Variants in USF1 observed in about 807,000 individuals in gnomAD.
USF1 encodes the protein upstream stimulatory factor 1.
In USF1, 22 loss-of-function variants were observed where a neutral mutation model predicts 46.3. That is an observed-to-expected ratio of 0.47 (90% confidence interval 0.34 to 0.68). The LOEUF (loss-of-function observed/expected upper bound fraction) is 0.68. Ranked by LOEUF, USF1 falls within the 30% of genes least tolerant of loss-of-function variation. USF1 has a pLI of 0.01. For missense variants in USF1, 287 were observed against 399.3 expected (o/e 0.72, Z 2.40); for synonymous variants, 150 against 147.0 (o/e 1.02, Z -0.15).
rs1468697403 is a variant in USF1, at chr1:161,045,915, T to G, written c.-143A>C. On this transcript the variant is annotated 5_prime_UTR_variant, in exon 1 of 11. Transcript: ENST00000368021. ...CAACTGTGTTCTCCCTCTCCCGGCC[T>G]AGGTATCTCCATAGACAGCTGCTCA... The G allele has an allele frequency of 6.6e-6, 1 of 152,336 alleles. No homozygotes were observed. Among genetic ancestry groups the G allele is most frequent in the Non-Finnish European group, 1.5e-5 (1 of 68,134 alleles). The allele number at this position is 152,336 out of a possible 1,614,324, so 9.4% of individuals were successfully genotyped here. A position where few individuals can be genotyped will look rare whatever the true frequency, so the allele number is the denominator to read the frequency against.
rs148867148 is a variant in USF1, at chr1:161,041,486, C to T, written c.473-75G>A. On this transcript the variant is annotated intron_variant, in intron 6 of 10. Transcript: ENST00000368021. ...CAAGCCCTGAGGTGAAGACCCTGGT[C>T]CCCTCCTCTAAAAAGAACATGCTAA... 1.5e-4 allele frequency: 224 copies of T among 1,527,662 alleles called. 1 individual carries two copies. The East Asian group carries it at 4.9e-3, about 33-fold the overall frequency. 94.6% of individuals were successfully genotyped at this position (1,527,662 alleles called of 1,614,324 possible).
Position 161,039,419 on chromosome 1 carries a change from C to T in USF1, c.*501G>A, listed in dbSNP as rs886483387. The T allele has an allele frequency of 6.1e-6, 1 of 163,586 alleles. No homozygotes were observed. Among genetic ancestry groups the T allele is most frequent in the African/African-American group, 2.4e-5 (1 of 41,722 alleles). The allele number at this position is 163,586 out of a possible 1,614,324, so 10.1% of individuals were successfully genotyped here. ...GCCTCAGCTTCTCACTGGCCAATCT[C>T]CTCTTCATGGGCACCAGCCACTGCT... On this transcript the variant is annotated 3_prime_UTR_variant, in exon 11 of 11. Coordinates refer to ENST00000368021, the MANE Select transcript of USF1 (RefSeq NM_007122.5).
chr1:161,041,348 G>A lies in USF1; in HGVS notation c.536C>T (p.Ala179Val). The A allele has an allele frequency of 6.2e-7, 1 of 1,613,492 alleles. No homozygotes were observed. Among genetic ancestry groups the A allele is most frequent in the Non-Finnish European group, 8.5e-7 (1 of 1,179,886 alleles). ...VLQGGSQRSIAPRTHPYSPKS... is the reference protein window; with the variant it reads ...VLQGGSQRSIVPRTHPYSPKS... ...CGGGGAATAAGGGTGAGTCCTAGGG[G>A]CAATTGAGCGCTGGCTTCCTCCCTG... is the stretch of plus-strand genomic sequence containing the variant. Residue 179 changes from alanine (A) to valine (V), a missense_variant, in exon 7 of 11, where the codon GCC (alanine) becomes GTC (valine). By Grantham distance (64) the Ala-to-Val change is moderately conservative. Transcript: ENST00000368021.
rs1462211075 is a variant in USF1 at position 161,039,980 on chromosome 1, C to T, written c.873G>A (p.Leu291=). The T allele has an allele frequency of 1.2e-6, 2 of 1,614,182 alleles. No homozygotes were observed. The highest frequency in any genetic ancestry group is 1.7e-6 in the Non-Finnish European group (2 of 1,180,038). Residue 291 remains leucine (L), a synonymous_variant, in exon 11 of 11, where the codon CTG becomes CTA. Transcript: ENST00000368021. Reference sequence around the variant, plus strand: ...CGTGGTGCCGCAACTGAGCTCGAAGCAGCAGATTCTTGTTTTTAAGATCTT... The same window carrying T: ...CGTGGTGCCGCAACTGAGCTCGAAGTAGCAGATTCTTGTTTTTAAGATCTT... ...QVEDLKNKNL[L]LRAQLRHHGL... is the part of the protein sequence containing the mutation.
chr1:161,039,856 GGATTA>G lies in USF1; in HGVS notation c.*59_*63del, dbSNP rs1032723733. 3.1e-5 allele frequency: 48 copies of G among 1,558,572 alleles called. No homozygotes were observed. The highest frequency in any genetic ancestry group is 4.1e-5 in the Non-Finnish European group (46 of 1,132,124). On this transcript the variant is annotated 3_prime_UTR_variant, in exon 11 of 11. Coordinates refer to ENST00000368021, the MANE Select transcript of USF1 (RefSeq NM_007122.5). ...TGGGGCAGTGAAGGAAAGGGGCACG[GGATTA>G]GGCTGTTGCTCCTGGGCTATCTGCA...
Position 161,040,338 on chromosome 1 carries a change from A to T in USF1, c.715-8T>A, listed in dbSNP as rs756890446. On this transcript the variant is annotated splice_region_variant and splice_polypyrimidine_tract_variant and intron_variant, in intron 9 of 10. Coordinates refer to ENST00000368021, the MANE Select transcript of USF1 (RefSeq NM_007122.5). This position sits in a 1 kb window ranked among gnomAD's most constrained non-coding sequence, Gnocchi z 4.0. ...TAGAATCCCACCTTTACTCTGCAAG[A>T]TAAGGTCAACAAAATGAGAACTAGG... 1 of 1,613,576 alleles carries T rather than the reference A, an allele frequency of 6.2e-7. No homozygotes were observed. Among genetic ancestry groups the T allele is most frequent in the African/African-American group, 1.3e-5 (1 of 74,902 alleles).
At chr1:161,043,401 G>T in intron 1 of USF1, 41 bp from the exon 2 acceptor site, 1 of 1,471,368 alleles carries the variant, frequency 6.8e-7, no homozygotes, top group South Asian at 1.2e-5. Context: ...TTAGGAAACA[G>T]AACAGTATCT....
In USF1 at chr1:161,043,298, G is replaced by A. The variant is rs767449155; in HGVS notation, c.-23C>T. 44 of 1,614,050 alleles carry A rather than the reference G, an allele frequency of 2.7e-5. No individual in the cohort carries two copies. The highest frequency in any genetic ancestry group is 8.9e-5 in the East Asian group (4 of 44,900). On this transcript the variant is annotated 5_prime_UTR_variant, in exon 2 of 11. Coordinates refer to ENST00000368021, the MANE Select transcript of USF1 (RefSeq NM_007122.5). ...CATCTCTCTGTGAGGGGGCACATCCGAGGAACTGGTCCTTTTTTGGAGGTC... is the reference window on the plus strand; with the variant it reads ...CATCTCTCTGTGAGGGGGCACATCCAAGGAACTGGTCCTTTTTTGGAGGTC...
At position 161,043,349 on chromosome 1, in the gene USF1, G is replaced by A. The variant is rs1650653563; in HGVS notation, c.-74C>T. The A allele has an allele frequency of 3.7e-6, 6 of 1,610,258 alleles. No homozygotes were observed. The South Asian group carries it at 6.6e-5, about 18-fold the overall frequency. ...TTTGTATCTCCTGATTCACAGGCCT[G>A]AGTGCTAAGTCCTGGTAGAAATCAT... On this transcript the variant is annotated 5_prime_UTR_variant, in exon 2 of 11. The change creates a premature stop within an existing upstream ORF in the 5' untranslated region. Transcript: ENST00000368021.
In USF1 at chr1:161,040,074, G is replaced by A. The variant is rs1650463195; in HGVS notation, c.844-65C>T. 16 of 1,611,540 alleles carry A rather than the reference G, an allele frequency of 9.9e-6. No individual in the cohort carries two copies. The highest frequency in any genetic ancestry group is 1.7e-5 in the Admixed American group (1 of 59,976). ...AGCTGGCACTTCCAAGCCCCTGAAT[G>A]TATTCAGACATCCACTGGTGAGGGG... is the stretch of plus-strand genomic sequence containing the variant. On this transcript the variant is annotated intron_variant, in intron 10 of 10. Coordinates refer to ENST00000368021, the MANE Select transcript of USF1 (RefSeq NM_007122.5). This position sits in a 1 kb window ranked among gnomAD's most constrained non-coding sequence, Gnocchi z 4.0.
chr1:161,042,499 C>T (rs1650609101), intron 4 of USF1, 56 bp downstream of exon 4: 5 of 1,586,086 alleles, frequency 3.2e-6, no homozygotes, highest in Non-Finnish European at 4.3e-6. Flanking sequence ...TGTTCAATTA[C>T]CTCCCTCAAT....
chr1:161,044,246 A>G (rs1650703964), intron 1 of USF1, among the ~76,000 whole-genome samples: 1 of 152,154 alleles, frequency 6.6e-6, no homozygotes, highest in Non-Finnish European at 1.5e-5. Flanking sequence ...CCCAGCCAAC[A>G]ACACATCTCT....
chr1:161,039,858 A>T lies in USF1; in HGVS notation c.*62T>A. 1 of 1,564,736 alleles carries T rather than the reference A, an allele frequency of 6.4e-7. No homozygotes were observed. Among genetic ancestry groups the T allele is most frequent in the Non-Finnish European group, 8.8e-7 (1 of 1,137,498 alleles). ...GGGCAGTGAAGGAAAGGGGCACGGG[A>T]TTAGGCTGTTGCTCCTGGGCTATCT... On this transcript the variant is annotated 3_prime_UTR_variant, in exon 11 of 11. Coordinates refer to ENST00000368021, the MANE Select transcript of USF1 (RefSeq NM_007122.5).
At chr1:161,041,492 C>T in intron 6 of USF1, 81 bp from the exon 7 acceptor site, 9 of 1,517,164 alleles carry the variant, frequency 5.9e-6, no homozygotes, top group Non-Finnish European at 7.2e-6. Context: ...TGGTCCCCTC[C>T]TCTAAAAAGA....
At chr1:161,044,968 G>A (rs1180002222) in intron 1 of USF1, 1 of 152,366 alleles carries the variant, frequency 6.6e-6, no homozygotes, top group African/African-American at 2.4e-5. Flanking sequence ...CGCGTCCGAG[G>A]AAAATGTTGA....
rs530469528 is a variant in USF1, at chr1:161,041,817, A to G, written c.306T>C (p.Asp102=). 20 of 1,613,566 alleles carry G rather than the reference A, an allele frequency of 1.2e-5. No individual in the cohort carries two copies. In the African/African-American group the frequency reaches 1.7e-4, roughly 14 times the overall value. ...QAVIQGAFTS[D]DAVDTEGTAA... is the part of the protein sequence containing the mutation. ...CTGTCCCCTCCGTGTCAACTGCATC[A>G]TCACTGGTGAAAGCACCCTGGATCA... Residue 102 remains aspartate, a synonymous_variant, in exon 6 of 11, where the codon GAT becomes GAC. Transcript: ENST00000368021.
intron 1 of USF1, among the ~76,000 whole-genome samples, chr1:161,043,924 C>T (rs527663121): frequency 1.4e-5 from 2 of 142,810 alleles, no homozygotes; most frequent in South Asian, 2.2e-4. Flanking sequence ...TGCACCTGGC[C>T]GAAACAACAC....
At chr1:161,043,470 C>T (rs756301151) in intron 1 of USF1, 110 bp from the exon 2 acceptor site, 12 of 792,156 alleles carry the variant, frequency 1.5e-5, no homozygotes, top group Non-Finnish European at 2.2e-5. Flanking sequence ...CAGTCATCTG[C>T]AGGGGACAAT....
Position 161,039,764 on chromosome 1 carries a change from C to T in USF1, c.*156G>A. ...ATTGTGTGTTTCACACCACTGCAGG[C>T]CGCCATATCACAGGGCCTCAGTTCA... On this transcript the variant is annotated 3_prime_UTR_variant, in exon 11 of 11. Coordinates refer to ENST00000368021, the MANE Select transcript of USF1 (RefSeq NM_007122.5). 1.4e-6 allele frequency: 1 copy of T among 722,604 alleles called. No homozygotes were observed. The highest frequency in any genetic ancestry group is 2.3e-6 in the Non-Finnish European group (1 of 440,382). The allele number at this position is 722,604 out of a possible 1,614,324, so 44.8% of individuals were successfully genotyped here. A position where few individuals can be genotyped will look rare whatever the true frequency, so the allele number is the denominator to read the frequency against.
Sources: allele counts gnomAD v4.1 joint callset (sites outside exome capture counted in the v4.1 genomes callset), GRCh38; gene constraint gnomAD v4.1.1; non-coding constraint Gnocchi (gnomAD v3.1); transcripts MANE v1.5; gene names NCBI Gene and HGNC (gene_info 2026-07-23, HGNC 2026-07-21).